Variants in NCAM2 observed in about 807,000 individuals in gnomAD.
The protein encoded by NCAM2 is neural cell adhesion molecule 2.
In NCAM2, 30 loss-of-function variants were observed where a neutral mutation model predicts 98.1. The ratio of observed to expected loss-of-function variants is 0.31; its 90% CI spans 0.23 to 0.41. The LOEUF (loss-of-function observed/expected upper bound fraction) is 0.41, where lower values mean the gene tolerates loss of function less well. NCAM2 is among the 10% of genes least tolerant of loss of function. The pLI is 1.00. For synonymous variants in NCAM2, 368 were observed against 342.4 expected (o/e 1.07, Z -0.83); for missense variants, 867 against 1,005.8 (o/e 0.86, Z 1.87).
intron 1 of NCAM2, among the ~76,000 whole-genome samples, chr21:21,274,228 G>A (rs2072637561): frequency 6.6e-6 from 1 of 151,928 alleles, no homozygotes; most frequent in Admixed American, 6.6e-5. Flanking sequence ...CTAATAGCAG[G>A]GACATCTATT....
At chr21:21,064,415 A>G (rs1179947517) in intron 1 of NCAM2, among the ~76,000 whole-genome samples, 1 of 152,216 alleles carries the variant, frequency 6.6e-6, no homozygotes, top group Non-Finnish European at 1.5e-5. Flanking sequence ...AAATTTCTCA[A>G]TCACATAACT....
At chr21:21,276,991 A>G (rs1360727578) in intron 1 of NCAM2, among the ~76,000 whole-genome samples, 1 of 152,082 alleles carries the variant, frequency 6.6e-6, no homozygotes, top group Non-Finnish European at 1.5e-5. Flanking sequence ...AAATCAGTAT[A>G]AACAGTTTTC....
At chr21:21,418,598 C>A (rs775594783) in intron 11 of NCAM2, 29 bp downstream of exon 11, 9 of 1,440,764 alleles carry the variant, frequency 6.2e-6, no homozygotes, top group South Asian at 1.1e-5. Flanking sequence ...TTTTTGAGAT[C>A]GCACACAATA....
chr21:21,211,650 A>G (rs933773207), intron 1 of NCAM2, among the ~76,000 whole-genome samples: 5 of 152,234 alleles, frequency 3.3e-5, no homozygotes, highest in Non-Finnish European at 7.3e-5. Context: ...AAAACAGGGC[A>G]CACGTTTTCC....
chr21:21,346,185 C>A, intron 8 of NCAM2, among the ~76,000 whole-genome samples: 3 of 117,370 alleles, frequency 2.6e-5, no homozygotes, highest in South Asian at 2.9e-4. Context: ...AGACTGAAAA[C>A]AATATTCCAT....
chr21:21,464,076 C>A (rs1001013036), intron 12 of NCAM2, among the ~76,000 whole-genome samples: 2 of 151,972 alleles, frequency 1.3e-5, no homozygotes, highest in Admixed American at 6.6e-5. Flanking sequence ...TGTTTAAATT[C>A]TTTTGCTTCT....
chr21:21,531,961 C>T (rs1027942343), intron 16 of NCAM2, among the ~76,000 whole-genome samples: 1 of 150,978 alleles, frequency 6.6e-6, no homozygotes, highest in African/African-American at 2.4e-5. Flanking sequence ...CCACTGCACA[C>T]CAGCCTGGAC....
At chr21:21,523,766 TAAAC>T (rs199634271) in intron 16 of NCAM2, among the ~76,000 whole-genome samples, 1,826 of 151,630 alleles carry the variant, frequency 0.012, 10 homozygotes, top group Non-Finnish European at 0.016. Context: ...GAACAACAAA[TAAAC>T]AAGTTAAAGA....
intron 10 of NCAM2, among the ~76,000 whole-genome samples, chr21:21,412,253 C>A (rs147318101): frequency 1.3e-5 from 2 of 152,288 alleles, no homozygotes; most frequent in African/African-American, 4.8e-5. Flanking sequence ...ACACAGAGTT[C>A]TGGTGTCTTC....
chr21:21,518,959 G>T (rs1048140360), intron 16 of NCAM2, among the ~76,000 whole-genome samples: 1 of 152,072 alleles, frequency 6.6e-6, no homozygotes, highest in Admixed American at 6.6e-5. Context: ...TCTCAGGGAG[G>T]TGACATTAAG....
At chr21:21,398,150 C>T (rs1052504597) in intron 9 of NCAM2, among the ~76,000 whole-genome samples, 3 of 152,072 alleles carry the variant, frequency 2.0e-5, no homozygotes, top group Non-Finnish European at 2.9e-5. Context: ...TTCTAAGTGA[C>T]GTAACTCAGG....
intron 1 of NCAM2, among the ~76,000 whole-genome samples, chr21:21,261,635 GA>G (rs1404985777): frequency 1.3e-5 from 2 of 151,884 alleles, no homozygotes; most frequent in African/African-American, 4.8e-5. Flanking sequence ...ACAAAGTTAA[GA>G]AAATAATCAA....
At chr21:21,063,762 G>A (rs62209026) in intron 1 of NCAM2, among the ~76,000 whole-genome samples, 32,448 of 151,760 alleles carry the variant, frequency 0.21, 3,913 homozygotes, top group African/African-American at 0.31. Flanking sequence ...ACTGGTTTAC[G>A]TTACAATTAT....
At chr21:21,399,964 G>C (rs923946946) in intron 9 of NCAM2, among the ~76,000 whole-genome samples, 1 of 152,134 alleles carries the variant, frequency 6.6e-6, no homozygotes, top group African/African-American at 2.4e-5. Flanking sequence ...GGAGAATGCA[G>C]TGATCAGTAC....
At chr21:21,530,026 T>C (rs1989537228) in intron 16 of NCAM2, among the ~76,000 whole-genome samples, 2 of 147,532 alleles carry the variant, frequency 1.4e-5, no homozygotes, top group African/African-American at 4.9e-5. Context: ...GCAGTATCTA[T>C]ATGTAATTTT....
At chr21:21,152,218 G>A (rs1243545163) in intron 1 of NCAM2, among the ~76,000 whole-genome samples, 1 of 151,906 alleles carries the variant, frequency 6.6e-6, no homozygotes, top group Non-Finnish European at 1.5e-5. Context: ...GTTAAGCACA[G>A]CCAGTGAGCA....
chr21:21,263,914 T>C (rs746398850), intron 1 of NCAM2, among the ~76,000 whole-genome samples: 1 of 151,814 alleles, frequency 6.6e-6, no homozygotes, highest in Non-Finnish European at 1.5e-5. Context: ...CTAAAAGAAA[T>C]GTCCTTTGGG....
chr21:21,257,588 T>C (rs2071723356), intron 1 of NCAM2, among the ~76,000 whole-genome samples: 1 of 152,152 alleles, frequency 6.6e-6, no homozygotes, highest in Non-Finnish European at 1.5e-5. Flanking sequence ...TTGACTCTTT[T>C]TTTTATTTTT....
intron 9 of NCAM2, among the ~76,000 whole-genome samples, chr21:21,401,835 G>C (rs1293642119): frequency 6.6e-6 from 1 of 152,114 alleles, no homozygotes; most frequent in Non-Finnish European, 1.5e-5. Context: ...TGGATAATAT[G>C]GTAATTGTTG....
Sources: allele counts gnomAD v4.1 joint callset (sites outside exome capture counted in the v4.1 genomes callset), GRCh38; gene constraint gnomAD v4.1.1; transcripts MANE v1.5; gene names NCBI Gene and HGNC (gene_info 2026-07-23, HGNC 2026-07-21).